Variants in ADD2 observed in about 807,000 individuals in gnomAD.
ADD2 encodes the protein beta-adducin.
Under a neutral mutation model 83.0 loss-of-function variants are expected in ADD2, and 23 were observed. The ratio of observed to expected loss-of-function variants is 0.28; its 90% CI spans 0.20 to 0.39. The LOEUF (loss-of-function observed/expected upper bound fraction) is 0.39. ADD2 is among the 10% of genes least tolerant of loss of function. The probability of loss-of-function intolerance (pLI) is 1.00; values close to 1 mark genes in which losing one functional copy is unlikely to be tolerated. For missense variants in ADD2, 758 were observed against 944.9 expected, an observed-to-expected ratio of 0.80 and a Z score of 2.59; for synonymous variants, 375 against 375.4, an observed-to-expected ratio of 1.00 and a Z score of 0.01.
rs1235356490 is a variant in ADD2 at position 70,676,518 on chromosome 2, AT to A, written c.1593+277del. On this transcript the variant is annotated intron_variant, in intron 13 of 15. Transcript: ENST00000264436. This position sits in a 1 kb window ranked among gnomAD's most constrained non-coding sequence, Gnocchi z 4.8. Reference sequence around the variant, plus strand: ...GTAAGGGAGGACAGAGTGGAGTTCCATGGCAGGAGGTACGGAAGCCGGCCGC... The same window carrying A: ...GTAAGGGAGGACAGAGTGGAGTTCCAGGCAGGAGGTACGGAAGCCGGCCGC... The A allele has an allele frequency of 8.0e-6, 11 of 1,378,704 alleles. No individual in the cohort carries two copies. The highest frequency in any genetic ancestry group is 1.5e-5 in the African/African-American group (1 of 68,664). 85.4% of individuals were successfully genotyped at this position (1,378,704 alleles called of 1,614,324 possible).
At chr2:70,753,149 T>C (rs11692893) in intron 1 of ADD2, among the ~76,000 whole-genome samples, 51,452 of 151,880 alleles carry the variant, frequency 0.34, 8,771 homozygotes, top group Middle Eastern at 0.41. Flanking sequence ...GCAAGTGAGG[T>C]AAGGGAAAAC....
At chr2:70,704,284 C>CCCCACACCA in intron 4 of ADD2, 37 bp downstream of exon 4, 1 of 1,560,602 alleles carries the variant, frequency 6.4e-7, no homozygotes, top group Non-Finnish European at 8.7e-7. Flanking sequence ...CCCTCCCCTC[C>CCCCACACCA]ACCTCTGCTC....
chr2:70,747,136 G>A (rs1674249680), intron 1 of ADD2, among the ~76,000 whole-genome samples: 2 of 149,792 alleles, frequency 1.3e-5, no homozygotes, highest in South Asian at 2.1e-4. Context: ...TCAGCCTCCC[G>A]AGTAGCTGGG....
At chr2:70,667,554 T>C (rs1185435533) in intron 15 of ADD2, among the ~76,000 whole-genome samples, 1 of 152,052 alleles carries the variant, frequency 6.6e-6, no homozygotes, top group Admixed American at 6.5e-5. Context: ...CTTGACTGGG[T>C]AAGGGATGCC....
chr2:70,691,697 C>G (rs1312471739), intron 7 of ADD2: 3 of 152,152 alleles, frequency 2.0e-5, no homozygotes, highest in African/African-American at 7.2e-5. Flanking sequence ...GATGCATGCT[C>G]AGCACAAATA....
In ADD2 at chr2:70,704,197, A is replaced by G. The variant is rs1269438978; in HGVS notation, c.322+124T>C. ...CTGCTGCTGAGCTCCCCAAGGCCTG[A>G]TAACACAATGGGCTGCTTACTCCAT... is the stretch of plus-strand genomic sequence containing the variant. On this transcript the variant is annotated intron_variant, in intron 4 of 15. Transcript: ENST00000264436. 12 of 1,322,036 alleles carry G rather than the reference A, an allele frequency of 9.1e-6. No homozygotes were observed. In the South Asian group the frequency reaches 1.0e-4, roughly 11 times the overall value. The allele number at this position is 1,322,036 out of a possible 1,614,324, so 81.9% of individuals were successfully genotyped here.
rs782063549 is a variant in ADD2 at position 70,690,741 on chromosome 2, T to G, written c.849+45A>C. 3.8e-6 allele frequency: 6 copies of G among 1,576,040 alleles called. No homozygotes were observed. The South Asian group carries it at 6.0e-5, about 16-fold the overall frequency. ...ATGTCACTTTTGTGATGTTGGCTTT[T>G]GACAATGCCACTCTAGATTATTGTC... On this transcript the variant is annotated intron_variant, in intron 8 of 15. Transcript: ENST00000264436.
intron 6 of ADD2, among the ~76,000 whole-genome samples, chr2:70,693,161 T>A (rs1471769783): frequency 9.9e-5 from 15 of 152,172 alleles, no homozygotes; most frequent in African/African-American, 3.4e-4. Flanking sequence ...TCACAGAATG[T>A]CCTGTGTCCT....
At chr2:70,740,978 G>C (rs1461698714) in intron 1 of ADD2, among the ~76,000 whole-genome samples, 1 of 152,228 alleles carries the variant, frequency 6.6e-6, no homozygotes, top group Non-Finnish European at 1.5e-5. Flanking sequence ...GGGATTATAG[G>C]CATGAGCCAC....
chr2:70,727,310 T>C (rs1344384408), intron 1 of ADD2, among the ~76,000 whole-genome samples: 1 of 152,166 alleles, frequency 6.6e-6, no homozygotes, highest in Non-Finnish European at 1.5e-5. Flanking sequence ...CTCCCCAACA[T>C]GTGACCCTGC....
intron 1 of ADD2, among the ~76,000 whole-genome samples, chr2:70,755,255 C>G (rs1220373568): frequency 2.0e-5 from 3 of 152,222 alleles, no homozygotes; most frequent in African/African-American, 7.2e-5. Flanking sequence ...TCGCTCCACT[C>G]TCGGCCAATG....
At chr2:70,712,354 G>T (rs182072995) in intron 2 of ADD2, among the ~76,000 whole-genome samples, 3,235 of 150,492 alleles carry the variant, frequency 0.021, 94 homozygotes, top group African/African-American at 0.072. Flanking sequence ...TGAGGCAGGA[G>T]AATCGCTTGA....
chr2:70,693,116 C>T (rs546634064), intron 6 of ADD2, among the ~76,000 whole-genome samples: 45 of 152,250 alleles, frequency 3.0e-4, no homozygotes, highest in African/African-American at 1.1e-3. Context: ...CCCCTACTCC[C>T]CTGCCTCCTG....
chr2:70,719,959 C>A (rs1019356962), intron 1 of ADD2, among the ~76,000 whole-genome samples: 8 of 152,146 alleles, frequency 5.3e-5, no homozygotes, highest in African/African-American at 1.9e-4. Flanking sequence ...AACCACCCCC[C>A]ACCAAGAAAT....
At chr2:70,728,531 C>G (rs1553378727) in intron 1 of ADD2, among the ~76,000 whole-genome samples, 1 of 152,202 alleles carries the variant, frequency 6.6e-6, no homozygotes. Flanking sequence ...GATACCAAAT[C>G]AATCCAGTTT....
In ADD2 at chr2:70,657,041, A is replaced by G. The variant is rs1286013237; in HGVS notation, c.*6384T>C. The G allele has an allele frequency of 1.3e-5, 2 of 151,388 alleles. No individual in the cohort carries two copies. Among genetic ancestry groups the G allele is most frequent in the Non-Finnish European group, 2.9e-5 (2 of 67,906 alleles). 9.4% of individuals were successfully genotyped at this position (151,388 alleles called of 1,614,324 possible). A position where few individuals can be genotyped will look rare whatever the true frequency, so the allele number is the denominator to read the frequency against. On this transcript the variant is annotated 3_prime_UTR_variant, in exon 16 of 16. Transcript: ENST00000264436. ...TATATATAATATGTGTATATATATA[A>G]AATTGCAAAATAAAAGCCCAAGAAA...
intron 1 of ADD2, among the ~76,000 whole-genome samples, chr2:70,730,574 TAC>T (rs1303708805): frequency 2.0e-5 from 3 of 152,242 alleles, no homozygotes; most frequent in Non-Finnish European, 4.4e-5. Flanking sequence ...CCAGGCCACT[TAC>T]ACATCCTCCC....
At chr2:70,696,787 C>T (rs901940558) in intron 4 of ADD2, among the ~76,000 whole-genome samples, 4 of 152,172 alleles carry the variant, frequency 2.6e-5, no homozygotes, top group Non-Finnish European at 5.9e-5. Context: ...AGAAGTTACT[C>T]GTCATTAAAC....
At chr2:70,686,007 CT>C (rs1670703914) in intron 9 of ADD2, among the ~76,000 whole-genome samples, 2 of 152,236 alleles carry the variant, frequency 1.3e-5, no homozygotes, top group African/African-American at 2.4e-5. Flanking sequence ...TAAATAGGCT[CT>C]CAGCCTTGAA....
Sources: gnomAD v4.1 joint callset for allele counts (sites outside exome capture counted in the v4.1 genomes callset) on GRCh38, gnomAD v4.1.1 for gene constraint, Gnocchi (gnomAD v3.1) non-coding constraint, MANE v1.5 for transcripts, NCBI Gene and HGNC (gene_info 2026-07-23, HGNC 2026-07-21) for gene names.